The following DLG2 variants were observed in gnomAD, a reference collection of about 807,000 sequenced individuals.
DLG2 encodes discs large MAGUK scaffold protein 2.
A neutral mutation model predicts 132.5 loss-of-function variants in DLG2; 45 were observed. That is an observed-to-expected ratio of 0.34 (90% CI 0.27 to 0.44). DLG2 has a LOEUF of 0.44. Among genes scored for constraint, DLG2 ranks in the 20% least tolerant of loss-of-function variants. DLG2 has a pLI of 1.00. For missense variants in DLG2, 1,045 were observed against 1,196.9 expected, an observed-to-expected ratio of 0.87 and a Z score of 1.87; for synonymous variants, 424 against 419.6, an observed-to-expected ratio of 1.01 and a Z score of -0.13.
At chr11:83,687,534 C>T (rs949617673) in intron 18 of DLG2, among the ~76,000 whole-genome samples, 1 of 152,006 alleles carries the variant, frequency 6.6e-6, no homozygotes, top group Non-Finnish European at 1.5e-5. Context: ...AGAATTATTG[C>T]CTTCCTGCTA....
intron 6 of DLG2, among the ~76,000 whole-genome samples, chr11:85,071,833 T>A (rs1366419259): frequency 6.6e-6 from 1 of 151,838 alleles, no homozygotes; most frequent in African/African-American, 2.4e-5. Context: ...TCTTTAAGTA[T>A]CCTTACATCT....
At chr11:84,607,783 A>C (rs2099588410) in intron 6 of DLG2, among the ~76,000 whole-genome samples, 2 of 152,112 alleles carry the variant, frequency 1.3e-5, no homozygotes, top group Non-Finnish European at 2.9e-5. Flanking sequence ...ATCACCCCAC[A>C]GAGTTGATTC....
chr11:84,405,486 G>C (rs1479938322), intron 7 of DLG2, among the ~76,000 whole-genome samples: 1 of 152,158 alleles, frequency 6.6e-6, no homozygotes, highest in Non-Finnish European at 1.5e-5. Flanking sequence ...TGGAAGTCTT[G>C]CCTTCCTATA....
intron 7 of DLG2, among the ~76,000 whole-genome samples, chr11:84,485,702 C>T (rs1202265491): frequency 3.3e-5 from 5 of 152,148 alleles, no homozygotes; most frequent in African/African-American, 7.2e-5. Context: ...GCAGAAACAG[C>T]AGACCATATG....
At chr11:84,763,418 C>A (rs1943706) in intron 6 of DLG2, 20,298 of 152,100 alleles carry the variant, frequency 0.13, 1,580 homozygotes, top group African/African-American at 0.22. Context: ...TTTACCTATC[C>A]ATTTGCTTCT....
chr11:85,268,010 T>C (rs574417733), intron 4 of DLG2, among the ~76,000 whole-genome samples: 1 of 152,302 alleles, frequency 6.6e-6, no homozygotes, highest in East Asian at 1.9e-4. Flanking sequence ...CTGTATTTAA[T>C]TACTTTCATT....
At chr11:85,202,841 A>G (rs1309188395) in intron 4 of DLG2, among the ~76,000 whole-genome samples, 1 of 151,914 alleles carries the variant, frequency 6.6e-6, no homozygotes, top group Non-Finnish European at 1.5e-5. Context: ...AAAAATTCTC[A>G]AAACAAATGA....
At position 83,843,621 on chromosome 11, in the gene DLG2, A is replaced by T. The variant is rs565914772; in HGVS notation, c.1566-9851T>A. On this transcript the variant is annotated intron_variant, in intron 16 of 27. Coordinates refer to ENST00000376104, the MANE Select transcript of DLG2 (RefSeq NM_001142699.3). ...AATATTGTTTCATGAACGGAAAAAA[A>T]AGTGAGTGGTTGGGAAAAATGATAC... Among the ~76,000 whole-genome samples, 6 of 151,868 alleles carry T rather than the reference A, an allele frequency of 4.0e-5. No individual in the cohort carries two copies. The South Asian group carries it at 1.3e-3, about 32-fold the overall frequency.
chr11:83,524,711 T>C (rs767713334), intron 21 of DLG2, among the ~76,000 whole-genome samples: 7 of 152,200 alleles, frequency 4.6e-5, no homozygotes, highest in Non-Finnish European at 1.0e-4. Flanking sequence ...ACTTGAAGCT[T>C]TGTACTTATG....
At chr11:84,587,636 G>A (rs2099532846) in intron 6 of DLG2, among the ~76,000 whole-genome samples, 1 of 152,086 alleles carries the variant, frequency 6.6e-6, no homozygotes. Flanking sequence ...CAGTGCATCT[G>A]ATGGCAGACT....
intron 7 of DLG2, among the ~76,000 whole-genome samples, chr11:84,371,135 A>T (rs1040442740): frequency 6.6e-6 from 1 of 152,146 alleles, no homozygotes; most frequent in Non-Finnish European, 1.5e-5. Context: ...GGTTTACTTT[A>T]CTAAAAAGAA....
chr11:84,295,076 T>A (rs961467775), intron 7 of DLG2, among the ~76,000 whole-genome samples: 6 of 152,222 alleles, frequency 3.9e-5, no homozygotes, highest in African/African-American at 1.4e-4. Context: ...TATAGTTCTC[T>A]GATCATTTTC....
At chr11:84,553,783 C>T (rs1469504758) in intron 6 of DLG2, among the ~76,000 whole-genome samples, 1 of 152,168 alleles carries the variant, frequency 6.6e-6, no homozygotes, top group Non-Finnish European at 1.5e-5. Flanking sequence ...GTGGACCATT[C>T]ACATGTTACA....
chr11:84,848,027 T>C (rs1479253195), intron 6 of DLG2, among the ~76,000 whole-genome samples: 9 of 152,118 alleles, frequency 5.9e-5, no homozygotes, highest in African/African-American at 1.9e-4. Context: ...TTGGTCATTT[T>C]TTATGGAAAA....
intron 9 of DLG2, among the ~76,000 whole-genome samples, chr11:84,121,229 C>T (rs184007940): frequency 8.1e-4 from 123 of 152,184 alleles, no homozygotes; most frequent in Admixed American, 1.2e-3. Context: ...GTTATTTAAC[C>T]GCTTTGAGTC....
chr11:85,391,700 T>C (rs2086812093), intron 3 of DLG2, among the ~76,000 whole-genome samples: 1 of 152,016 alleles, frequency 6.6e-6, no homozygotes, highest in African/African-American at 2.4e-5. Flanking sequence ...ATGATCATCT[T>C]AACAGATACA....
intron 16 of DLG2, among the ~76,000 whole-genome samples, chr11:83,837,625 C>A (rs2154008853): frequency 7.2e-6 from 1 of 138,510 alleles, no homozygotes; most frequent in South Asian, 2.3e-4. Flanking sequence ...AGTCATTTAT[C>A]TAAAGGGAGC....
intron 6 of DLG2, among the ~76,000 whole-genome samples, chr11:85,065,748 T>C (rs1397701837): frequency 6.6e-6 from 1 of 150,764 alleles, no homozygotes; most frequent in East Asian, 1.9e-4. Flanking sequence ...GGTGGAAATT[T>C]AAAAAATATA....
intron 3 of DLG2, among the ~76,000 whole-genome samples, chr11:85,411,337 A>G (rs776710477): frequency 1.3e-5 from 2 of 151,896 alleles, no homozygotes; most frequent in Non-Finnish European, 2.9e-5. Flanking sequence ...GCATTTAGCT[A>G]GACTCCAAGA....
Sources: allele counts gnomAD v4.1 joint callset (sites outside exome capture counted in the v4.1 genomes callset), GRCh38; gene constraint gnomAD v4.1.1; transcripts MANE v1.5; gene names NCBI Gene and HGNC (gene_info 2026-07-23, HGNC 2026-07-21).